The following IKZF5 variants were observed in gnomAD, a reference collection of about 807,000 sequenced individuals.
IKZF5 encodes IKAROS family zinc finger 5.
In IKZF5, 4 loss-of-function variants were observed where a neutral mutation model predicts 30.7. The ratio of observed to expected loss-of-function variants is 0.13; its 90% CI spans 0.06 to 0.30. The LOEUF is 0.30. IKZF5 is among the 10% of genes least tolerant of loss of function. The probability of loss-of-function intolerance (pLI) is 1.00; values close to 1 mark genes in which losing one functional copy is unlikely to be tolerated. For synonymous variants in IKZF5, 148 were observed against 179.6 expected, an observed-to-expected ratio of 0.82 and a Z score of 1.41; for missense variants, 348 against 525.5, an observed-to-expected ratio of 0.66 and a Z score of 3.30.
chr10:123,005,621 AC>A (rs1849751749), intron 2 of IKZF5, among the ~76,000 whole-genome samples: 1 of 152,156 alleles, frequency 6.6e-6, no homozygotes, highest in Non-Finnish European at 1.5e-5. Context: ...TGAAATTCTA[AC>A]CCCCAATTTG....
rs529532562 is a variant in IKZF5 at position 122,998,036 on chromosome 10, A to G, written c.133+457T>C. ...ACAAAATTTACCTCTAGCAGGCTCA[A>G]GGAGGTCACCACTTTCTCTATTTTC... On this transcript the variant is annotated intron_variant, in intron 3 of 4. Transcript: ENST00000368886. 2.6e-5 allele frequency among the ~76,000 whole-genome samples: 4 copies of G among 152,348 alleles called. No homozygotes were observed. The South Asian group carries it at 8.3e-4, about 32-fold the overall frequency.
intron 3 of IKZF5, chr10:122,997,079 G>A (rs796653260): frequency 2.6e-5 from 4 of 152,278 alleles, no homozygotes; most frequent in African/African-American, 9.6e-5. Flanking sequence ...AAACATGTTT[G>A]GCTGTTTGCT....
intron 2 of IKZF5, among the ~76,000 whole-genome samples, chr10:123,006,049 G>A (rs1849768302): frequency 6.6e-6 from 1 of 152,126 alleles, no homozygotes. Flanking sequence ...TGGGGTGTAG[G>A]TGGATATCTA....
At chr10:123,003,160 A>G (rs1849654529) in intron 2 of IKZF5, among the ~76,000 whole-genome samples, 1 of 133,638 alleles carries the variant, frequency 7.5e-6, no homozygotes, top group East Asian at 2.3e-4. Flanking sequence ...CCTCCAGAGT[A>G]GCTGGGATTA....
rs1849213901 is a variant in IKZF5, at chr10:122,992,823, C to T, written c.*957G>A. ...ATATGACTTCACTATCACATTCTCT[C>T]ATGTGTTTCCATACCCACCTTTTCT... is the stretch of plus-strand genomic sequence containing the variant. On this transcript the variant is annotated 3_prime_UTR_variant, in exon 5 of 5. Coordinates refer to ENST00000368886, the MANE Select transcript of IKZF5 (RefSeq NM_001372123.1). 1 of 152,580 alleles carries T rather than the reference C, an allele frequency of 6.6e-6. No individual in the cohort carries two copies. The highest frequency in any genetic ancestry group is 2.1e-4 in the South Asian group (1 of 4,832). 9.5% of individuals were successfully genotyped at this position (152,580 alleles called of 1,614,324 possible).
Position 122,992,069 on chromosome 10 carries a change from G to A in IKZF5, c.*1711C>T, listed in dbSNP as rs537293538. 6.6e-6 allele frequency: 1 copy of A among 152,332 alleles called. No homozygotes were observed. Among genetic ancestry groups the A allele is most frequent in the African/African-American group, 2.4e-5 (1 of 41,590 alleles). 9.4% of individuals were successfully genotyped at this position (152,332 alleles called of 1,614,324 possible). A position where few individuals can be genotyped will look rare whatever the true frequency, so the allele number is the denominator to read the frequency against. The stretch of plus-strand genomic sequence containing the variant: ...GCAGTAAAATGGATCTGAGCAGTCT[G>A]TGATTTAAACAACAATGTAACAGAA... On this transcript the variant is annotated 3_prime_UTR_variant, in exon 5 of 5. Transcript: ENST00000368886.
Position 122,994,807 on chromosome 10 carries a change from G to T in IKZF5, c.317-84C>A. On this transcript the variant is annotated intron_variant, in intron 4 of 4. Coordinates refer to ENST00000368886, the MANE Select transcript of IKZF5 (RefSeq NM_001372123.1). This position sits in a 1 kb window ranked among gnomAD's most constrained non-coding sequence, Gnocchi z 5.6. ...TGCTTGTCCATTCATTGGACAACTG[G>T]AAATTGATCAAAAAGAAAATGCTTT... 9.3e-7 allele frequency: 1 copy of T among 1,073,614 alleles called. No individual in the cohort carries two copies. The allele number at this position is 1,073,614 out of a possible 1,614,324, so 66.5% of individuals were successfully genotyped here.
At chr10:123,008,012 G>A (rs780451988) in intron 1 of IKZF5, among the ~76,000 whole-genome samples, 1 of 152,064 alleles carries the variant, frequency 6.6e-6, no homozygotes, top group Non-Finnish European at 1.5e-5. Flanking sequence ...AACTTGTTTA[G>A]CTTCAGATCC....
At chr10:123,007,281 T>C (rs967772594) in intron 1 of IKZF5, 105 bp from the exon 2 acceptor site, 1 of 152,206 alleles carries the variant, frequency 6.6e-6, no homozygotes, top group Non-Finnish European at 1.5e-5. Flanking sequence ...AATCTTATCA[T>C]TACATTAGCT....
intron 1 of IKZF5, 98 bp downstream of exon 1, chr10:123,008,596 C>G (rs1589727455): frequency 3.4e-6 from 1 of 291,492 alleles, no homozygotes; most frequent in Non-Finnish European, 6.9e-6. Flanking sequence ...CCGGATCAGC[C>G]GGCCCGCCAC....
chr10:122,996,638 A>C (rs1849382912), intron 3 of IKZF5, among the ~76,000 whole-genome samples: 1 of 152,200 alleles, frequency 6.6e-6, no homozygotes, highest in African/African-American at 2.4e-5. Flanking sequence ...CAGGAGGCAG[A>C]GGTTGCAGTG....
chr10:122,996,044 T>A lies in IKZF5; in HGVS notation c.266A>T (p.Tyr89Phe). 1 of 1,614,140 alleles carries A rather than the reference T, an allele frequency of 6.2e-7. No homozygotes were observed. The highest frequency in any genetic ancestry group is 8.5e-7 in the Non-Finnish European group (1 of 1,180,018). Residue 89 changes from tyrosine to phenylalanine, a missense_variant, in exon 4 of 5, where the codon TAT becomes TTT. Tyr to Phe is a conservative substitution (Grantham distance 22, BLOSUM62 3). Transcript: ENST00000368886. ...DGKLKCRYCNYASKGTARLIE... is the reference protein window; with the variant it reads ...DGKLKCRYCNFASKGTARLIE... Reference sequence around the variant, plus strand: ...AAGCCGGGCTGTTCCTTTGCTGGCATAGTTGCAGTACCGACACTTAAGCTT... The same window carrying A: ...AAGCCGGGCTGTTCCTTTGCTGGCAAAGTTGCAGTACCGACACTTAAGCTT...
At chr10:123,002,284 C>T (rs370719206) in intron 2 of IKZF5, among the ~76,000 whole-genome samples, 54 of 151,968 alleles carry the variant, frequency 3.6e-4, no homozygotes, top group East Asian at 3.1e-3. Flanking sequence ...TTTGGGAGGC[C>T]GAGGTGGGTG....
chr10:122,994,211 C>T lies in IKZF5; in HGVS notation c.829G>A (p.Val277Ile), dbSNP rs757556233. 2 of 1,614,106 alleles carry T rather than the reference C, an allele frequency of 1.2e-6. No individual in the cohort carries two copies. Among genetic ancestry groups the T allele is most frequent in the Non-Finnish European group, 1.7e-6 (2 of 1,180,040 alleles). ...GGCTTTTCATCAGGGCAGGGAACTA[C>T]ATCAGGGGATGCAGGGTTTTGGTTT... Reference protein sequence around the residue: ...PENQNPASPDVVPCPDEKPFM... With the variant: ...PENQNPASPDIVPCPDEKPFM... Residue 277 changes from valine to isoleucine, a missense_variant, in exon 5 of 5, where the codon GTA (valine) becomes ATA (isoleucine). Val to Ile is a conservative substitution (Grantham distance 29). Transcript: ENST00000368886. The surrounding 1 kb of genome is among the most constrained non-coding windows in gnomAD (Gnocchi z 5.6).
Position 122,998,679 on chromosome 10 carries a change from AATTTTACACT to A in IKZF5, c.-46-18_-46-9del. The A allele has an allele frequency of 1.3e-6, 2 of 1,507,510 alleles. No individual in the cohort carries two copies. The allele number at this position is 1,507,510 out of a possible 1,614,324, so 93.4% of individuals were successfully genotyped here. On this transcript the variant is annotated splice_polypyrimidine_tract_variant and intron_variant, in intron 2 of 4. Transcript: ENST00000368886. ...TAGACCTAGAAAACAAAACTGAAACAATTTTACACTATTTAGGGAGATCTAGTACATAGCA... is the reference window on the plus strand; with the variant it reads ...TAGACCTAGAAAACAAAACTGAAACAATTTAGGGAGATCTAGTACATAGCA...
Position 122,994,982 on chromosome 10 carries a change from C to A in IKZF5, c.317-259G>T. The A allele has an allele frequency of 2.6e-6, 1 of 384,644 alleles. No individual in the cohort carries two copies. Among genetic ancestry groups the A allele is most frequent in the South Asian group, 5.2e-5 (1 of 19,136 alleles). The allele number at this position is 384,644 out of a possible 1,614,324, so 23.8% of individuals were successfully genotyped here. On this transcript the variant is annotated intron_variant, in intron 4 of 4. Coordinates refer to ENST00000368886, the MANE Select transcript of IKZF5 (RefSeq NM_001372123.1). This position sits in a 1 kb window ranked among gnomAD's most constrained non-coding sequence, Gnocchi z 5.6. ...TACAGTATAAAAACTGTTATGGCTT[C>A]GAATGCATTTAGAGAGAAGAAACAG...
chr10:122,991,619 A>G lies in IKZF5; in HGVS notation c.*2161T>C, dbSNP rs1349162521. 3.3e-5 allele frequency: 5 copies of G among 152,212 alleles called. No individual in the cohort carries two copies. Among genetic ancestry groups the G allele is most frequent in the African/African-American group, 9.6e-5 (4 of 41,456 alleles). The allele number at this position is 152,212 out of a possible 1,614,324, so 9.4% of individuals were successfully genotyped here. On this transcript the variant is annotated 3_prime_UTR_variant, in exon 5 of 5. Transcript: ENST00000368886. ...TAAATATTTTAAAAAATACCATACC[A>G]AAAAAGCCTCTAAGGTAGATTTGCC...
chr10:123,001,071 G>A (rs1473984811), intron 2 of IKZF5, among the ~76,000 whole-genome samples: 4 of 150,756 alleles, frequency 2.7e-5, no homozygotes, highest in African/African-American at 9.8e-5. Flanking sequence ...GTGCAGTGCC[G>A]TGATCTCGGC....
At chr10:122,999,241 C>T (rs1333609235) in intron 2 of IKZF5, among the ~76,000 whole-genome samples, 1 of 152,200 alleles carries the variant, frequency 6.6e-6, no homozygotes, top group Non-Finnish European at 1.5e-5. Flanking sequence ...GCAGTTGCTA[C>T]TAGCCACATA....
Sources: gnomAD v4.1 joint callset for allele counts (sites outside exome capture counted in the v4.1 genomes callset) on GRCh38, gnomAD v4.1.1 for gene constraint, Gnocchi (gnomAD v3.1) non-coding constraint, MANE v1.5 for transcripts, NCBI Gene and HGNC (gene_info 2026-07-23, HGNC 2026-07-21) for gene names.